TNS1: variants seen among roughly 807,000 people sequenced by gnomAD.
TNS1 encodes the protein tensin 1, also known as tensin-1.
A neutral mutation model predicts 168.6 loss-of-function variants in TNS1; 62 were observed. That is an observed-to-expected ratio of 0.37 (90% CI 0.30 to 0.45). The LOEUF (loss-of-function observed/expected upper bound fraction) is 0.45, where lower values mean the gene tolerates loss of function less well. TNS1 is among the 20% of genes least tolerant of loss of function. TNS1 has a pLI of 1.00. For synonymous variants in TNS1, 934 were observed against 933.2 expected (o/e 1.00, Z -0.02); for missense variants, 2,240 against 2,339.4 (o/e 0.96, Z 0.88).
At chr2:217,953,681 T>A (rs1317854090) in intron 3 of TNS1, among the ~76,000 whole-genome samples, 1 of 152,102 alleles carries the variant, frequency 6.6e-6, no homozygotes, top group Non-Finnish European at 1.5e-5. Flanking sequence ...ACAATCCTGG[T>A]GACGCCCTGG....
intron 28 of TNS1, among the ~76,000 whole-genome samples, chr2:217,810,709 T>C (rs545731736): frequency 1.2e-4 from 19 of 152,308 alleles, no homozygotes; most frequent in South Asian, 1.0e-3. Context: ...TGCATTGATA[T>C]ATCTTTGTGT....
intron 18 of TNS1, among the ~76,000 whole-genome samples, chr2:217,866,148 A>C (rs1042793801): frequency 1.3e-5 from 2 of 152,190 alleles, no homozygotes; most frequent in African/African-American, 4.8e-5. Context: ...TAGATCTCTA[A>C]CCAGCCACGG....
chr2:217,970,045 A>T (rs1957740698), intron 3 of TNS1, among the ~76,000 whole-genome samples: 2 of 152,156 alleles, frequency 1.3e-5, no homozygotes, highest in African/African-American at 4.8e-5. Flanking sequence ...CACAGAAGGA[A>T]GATGATGTGA....
Position 217,818,564 on chromosome 2 carries a change from C to T in TNS1, c.3768G>A (p.Gln1256=). 6.2e-7 allele frequency: 1 copy of T among 1,614,178 alleles called. No homozygotes were observed. The highest frequency in any genetic ancestry group is 8.5e-7 in the Non-Finnish European group (1 of 1,180,002). Residue 1256 remains glutamine (Q), a synonymous_variant, in exon 24 of 33, where the codon CAG becomes CAA. Transcript: ENST00000682258. ...GGCTTTCCGGAGAGGAGCTGAAATG[C>T]TGAAGTGAGTAGTCGGGGCTGCTGT... The part of the protein sequence containing the change: ...SSYSSPDYSL[Q]HFSSSPESQA...
At chr2:217,928,835 C>T (rs544508238) in intron 3 of TNS1, among the ~76,000 whole-genome samples, 2 of 152,284 alleles carry the variant, frequency 1.3e-5, no homozygotes, top group East Asian at 3.9e-4. Flanking sequence ...ACTGACCCCC[C>T]AGCCCACTGC....
intron 31 of TNS1, 151 bp from the exon 32 acceptor site, chr2:217,808,258 C>T (rs1011488932): frequency 2.2e-6 from 2 of 922,702 alleles, no homozygotes; most frequent in Non-Finnish European, 3.4e-6. Flanking sequence ...TCCCCAGGGA[C>T]AGGAGCTGCC....
At chr2:217,918,577 A>G (rs186452473) in intron 4 of TNS1, among the ~76,000 whole-genome samples, 1 of 152,114 alleles carries the variant, frequency 6.6e-6, no homozygotes, top group African/African-American at 2.4e-5. Flanking sequence ...CTAACCTCTG[A>G]CCGCTCTTCA....
At chr2:217,976,673 G>T (rs1355609195) in intron 3 of TNS1, among the ~76,000 whole-genome samples, 1 of 152,178 alleles carries the variant, frequency 6.6e-6, no homozygotes, top group Non-Finnish European at 1.5e-5. Flanking sequence ...AGTCATCTTT[G>T]CCATTTGCCT....
intron 18 of TNS1, among the ~76,000 whole-genome samples, chr2:217,878,214 C>A (rs1440657851): frequency 1.3e-5 from 2 of 152,208 alleles, no homozygotes; most frequent in East Asian, 3.9e-4. Context: ...CCAGCACACC[C>A]CCCTCGCCTA....
At chr2:218,014,778 C>T (rs1958740532), upstream of TNS1, among the ~76,000 whole-genome samples, 1 of 152,094 alleles carries the variant, frequency 6.6e-6, no homozygotes, top group Non-Finnish European at 1.5e-5. Context: ...AGTGTTCATG[C>T]CTACATCCCT....
chr2:217,838,006 G>T (rs768967352), intron 19 of TNS1, among the ~76,000 whole-genome samples: 12 of 152,228 alleles, frequency 7.9e-5, no homozygotes, highest in Non-Finnish European at 1.6e-4. Context: ...AAAAACATTA[G>T]AGAGAAACAG....
At chr2:217,993,465 C>T (rs528224989) in intron 1 of TNS1, among the ~76,000 whole-genome samples, 6 of 152,314 alleles carry the variant, frequency 3.9e-5, no homozygotes, top group Admixed American at 2.6e-4. Context: ...GAACAGACGC[C>T]GCTTCTGCGG....
Position 217,830,796 on chromosome 2 carries a change from G to A in TNS1, c.3373+659C>T, listed in dbSNP as rs75421185. On this transcript the variant is annotated intron_variant, in intron 22 of 32. Transcript: ENST00000682258. The stretch of plus-strand genomic sequence containing the variant: ...ACAGGCCAGGGAGAGTCAGAAGCCC[G>A]GAGGTGGCAGGTCCTTTGACAGTCA... 3.8e-3 allele frequency among the ~76,000 whole-genome samples: 577 copies of A among 152,350 alleles called. 2 individuals carry two copies. Among genetic ancestry groups the A allele is most frequent in the Non-Finnish European group, 6.3e-3 (429 of 68,034 alleles).
intron 1 of TNS1, among the ~76,000 whole-genome samples, chr2:218,000,674 AACG>A (rs1958546258): frequency 6.6e-6 from 1 of 152,210 alleles, no homozygotes; most frequent in African/African-American, 2.4e-5. Flanking sequence ...GCCCATACCA[AACG>A]ATGGAAATAG....
At chr2:217,978,677 CG>C in intron 3 of TNS1, 87 bp downstream of exon 3, 1 of 668,910 alleles carries the variant, frequency 1.5e-6, no homozygotes, top group Non-Finnish European at 2.7e-6. Flanking sequence ...GCACCGCCCC[CG>C]CCCCGCCGGC....
chr2:217,963,532 A>G (rs1421058324), intron 3 of TNS1, among the ~76,000 whole-genome samples: 3 of 152,170 alleles, frequency 2.0e-5, no homozygotes, highest in Non-Finnish European at 4.4e-5. Context: ...AAAATGGCCC[A>G]AGGCTACTCA....
At chr2:217,805,089 C>CCA (rs199566419) in intron 32 of TNS1, among the ~76,000 whole-genome samples, 37 of 151,806 alleles carry the variant, frequency 2.4e-4, no homozygotes, top group Non-Finnish European at 4.9e-4. Context: ...TCACACCCCT[C>CCA]CACACACACA....
At chr2:217,812,467 G>A in intron 27 of TNS1, 22 bp from the exon 28 acceptor site, 4 of 1,607,848 alleles carry the variant, frequency 2.5e-6, no homozygotes, top group Non-Finnish European at 2.6e-6. Context: ...CAGACGGCAT[G>A]TCATGGGCAG....
intron 2 of TNS1, among the ~76,000 whole-genome samples, chr2:217,990,185 A>ATG (rs2126083489): frequency 6.7e-6 from 1 of 150,162 alleles, no homozygotes; most frequent in East Asian, 2.0e-4. Context: ...TCCTCAGCAC[A>ATG]CATCATCCAC....
Sources: gnomAD v4.1 joint callset for allele counts (sites outside exome capture counted in the v4.1 genomes callset) on GRCh38, gnomAD v4.1.1 for gene constraint, MANE v1.5 for transcripts, NCBI Gene and HGNC (gene_info 2026-07-23, HGNC 2026-07-21) for gene names.